Variants in DNAJC1 observed in about 807,000 individuals in gnomAD.
DNAJC1 encodes DnaJ heat shock protein family (Hsp40) member C1.
A neutral mutation model predicts 76.6 loss-of-function variants in DNAJC1; 58 were observed. That is an observed-to-expected ratio of 0.76 (90% CI 0.61 to 0.94). The LOEUF (loss-of-function observed/expected upper bound fraction) is 0.94, where lower values mean the gene tolerates loss of function less well. Among genes scored for constraint, DNAJC1 ranks in the 40% least tolerant of loss-of-function variants. DNAJC1 has a pLI of 0.00. For synonymous variants in DNAJC1, 258 were observed against 267.9 expected, an observed-to-expected ratio of 0.96 and a Z score of 0.36; for missense variants, 689 against 677.3, an observed-to-expected ratio of 1.02 and a Z score of -0.19.
intron 8 of DNAJC1, among the ~76,000 whole-genome samples, chr10:21,867,071 A>C (rs1265147748): frequency 6.6e-6 from 1 of 152,116 alleles, no homozygotes; most frequent in East Asian, 1.9e-4. Context: ...GAAAGTCTAA[A>C]TATCAGTATA....
intron 8 of DNAJC1, among the ~76,000 whole-genome samples, chr10:21,832,118 A>T (rs1194340994): frequency 2.6e-5 from 4 of 152,230 alleles, no homozygotes; most frequent in Non-Finnish European, 1.5e-5. Context: ...TATATAAGGC[A>T]TAAAAATACA....
intron 1 of DNAJC1, among the ~76,000 whole-genome samples, chr10:21,993,182 A>T (rs556765242): frequency 6.6e-6 from 1 of 152,296 alleles, no homozygotes; most frequent in Non-Finnish European, 1.5e-5. Context: ...CTATACACTC[A>T]TAAATTTATA....
At chr10:21,761,730 C>A (rs986319091) in intron 10 of DNAJC1, among the ~76,000 whole-genome samples, 1 of 151,996 alleles carries the variant, frequency 6.6e-6, no homozygotes, top group African/African-American at 2.4e-5. Context: ...GCTGCATTAG[C>A]CTTCTCCTTT....
intron 1 of DNAJC1, among the ~76,000 whole-genome samples, chr10:21,957,069 T>C (rs1039085721): frequency 6.6e-6 from 1 of 151,918 alleles, no homozygotes; most frequent in African/African-American, 2.4e-5. Context: ...TTTTTGTATT[T>C]TTAGTAGAGA....
chr10:21,945,922 AGT>A (rs1416513404), intron 1 of DNAJC1, among the ~76,000 whole-genome samples: 1 of 70,198 alleles, frequency 1.4e-5, no homozygotes, highest in Middle Eastern at 4.7e-3. Flanking sequence ...TCTCCAAACT[AGT>A]GTTTCTTCAT....
rs143159403 is a variant in DNAJC1 at position 21,860,694 on chromosome 10, A to AAAAC, written c.978+21584_978+21587dup. 5.9e-3 allele frequency: 943 copies of AAAAC among 159,534 alleles called. 20 individuals are homozygous for AAAAC. The highest frequency in any genetic ancestry group is 0.011 in the Admixed American group (177 of 15,952). 9.9% of individuals were successfully genotyped at this position (159,534 alleles called of 1,614,324 possible). On this transcript the variant is annotated intron_variant, in intron 8 of 11. Transcript: ENST00000376980. ...GGGAGACATTGTGAGACTCTGTCTC[A>AAAAC]AAACAAACAAACAAACAAACAAACA...
At chr10:21,826,352 C>G (rs1044632133) in intron 8 of DNAJC1, among the ~76,000 whole-genome samples, 10 of 151,862 alleles carry the variant, frequency 6.6e-5, no homozygotes, top group Admixed American at 6.6e-4. Context: ...GATAGAGTCT[C>G]ACTATGTTGC....
rs573690311 is a variant in DNAJC1, at chr10:21,823,475, C to T, written c.979-17376G>A. ...TTTTTTCCTAACTTAACATTTAGTC[C>T]GATTTTTCTATCACTGATGAGTATT... On this transcript the variant is annotated intron_variant, in intron 8 of 11. Coordinates refer to ENST00000376980, the MANE Select transcript of DNAJC1 (RefSeq NM_022365.4). 3.5e-3 allele frequency among the ~76,000 whole-genome samples: 530 copies of T among 152,086 alleles called. 1 individual carries two copies. The highest frequency in any genetic ancestry group is 4.3e-3 in the Non-Finnish European group (291 of 67,994).
intron 8 of DNAJC1, among the ~76,000 whole-genome samples, chr10:21,837,642 C>T (rs549995444): frequency 1.3e-5 from 2 of 151,684 alleles, no homozygotes; most frequent in Admixed American, 6.6e-5. Context: ...CGGCAGCCAC[C>T]CTGTCTAGGA....
At chr10:21,913,104 G>C (rs758344360) in intron 6 of DNAJC1, among the ~76,000 whole-genome samples, 5 of 151,784 alleles carry the variant, frequency 3.3e-5, no homozygotes, top group Non-Finnish European at 7.4e-5. Flanking sequence ...TATGCATGCT[G>C]GAAACTTCCT....
At chr10:21,832,109 A>G (rs1039564831) in intron 8 of DNAJC1, among the ~76,000 whole-genome samples, 4 of 152,230 alleles carry the variant, frequency 2.6e-5, no homozygotes, top group Non-Finnish European at 5.9e-5. Flanking sequence ...AACATAGCAT[A>G]TATAAGGCAT....
At chr10:21,886,673 G>C (rs1351414588) in intron 7 of DNAJC1, among the ~76,000 whole-genome samples, 2 of 152,110 alleles carry the variant, frequency 1.3e-5, no homozygotes, top group African/African-American at 4.8e-5. Flanking sequence ...TACAACATAA[G>C]CAAATTAATA....
intron 8 of DNAJC1, among the ~76,000 whole-genome samples, chr10:21,879,593 C>T (rs1270371755): frequency 6.6e-6 from 1 of 152,086 alleles, no homozygotes; most frequent in Non-Finnish European, 1.5e-5. Context: ...CACTGCACTC[C>T]AGCCTGGGCG....
intron 1 of DNAJC1, among the ~76,000 whole-genome samples, chr10:22,000,264 C>T (rs147211714): frequency 2.0e-5 from 3 of 152,304 alleles, no homozygotes; most frequent in African/African-American, 7.2e-5. Flanking sequence ...AATTATCCCT[C>T]TAAGTAACTA....
chr10:21,924,437 C>CA (rs760088063), intron 3 of DNAJC1, among the ~76,000 whole-genome samples: 21 of 151,492 alleles, frequency 1.4e-4, no homozygotes, highest in Non-Finnish European at 1.3e-4. Flanking sequence ...ACTGGGTTAG[C>CA]AAAAGAAGAC....
intron 1 of DNAJC1, among the ~76,000 whole-genome samples, chr10:21,935,972 G>C (rs1027050565): frequency 1.3e-5 from 2 of 152,132 alleles, no homozygotes; most frequent in Admixed American, 6.5e-5. Flanking sequence ...CAAGCTGAAA[G>C]AAAAAGATAC....
chr10:21,904,634 T>A, intron 6 of DNAJC1, 22 bp from the exon 7 acceptor site: 1 of 1,423,144 alleles, frequency 7.0e-7, no homozygotes, highest in Non-Finnish European at 9.8e-7. Context: ...AAGTTATACA[T>A]AAATTAACAT....
intron 8 of DNAJC1, among the ~76,000 whole-genome samples, chr10:21,870,204 C>T (rs546542298): frequency 1.3e-5 from 2 of 152,092 alleles, no homozygotes; most frequent in African/African-American, 4.8e-5. Flanking sequence ...ATCACACAAT[C>T]ATCTTAATAG....
At chr10:21,851,811 T>C (rs984705964) in intron 8 of DNAJC1, among the ~76,000 whole-genome samples, 7 of 151,922 alleles carry the variant, frequency 4.6e-5, no homozygotes, top group Non-Finnish European at 8.8e-5. Context: ...TCCCAGCACT[T>C]TGGGAGGCCG....
Sources: allele counts gnomAD v4.1 joint callset (sites outside exome capture counted in the v4.1 genomes callset), GRCh38; gene constraint gnomAD v4.1.1; transcripts MANE v1.5; gene names NCBI Gene and HGNC (gene_info 2026-07-23, HGNC 2026-07-21).